Variants in RDH10 observed in about 807,000 individuals in gnomAD.
RDH10 encodes retinol dehydrogenase 10, also known as retinol dehydrogenase 10 (all-trans).
Under a neutral mutation model 30.2 loss-of-function variants are expected in RDH10, and 12 were observed. The ratio of observed to expected loss-of-function variants is 0.40; its 90% confidence interval spans 0.25 to 0.64. The LOEUF is 0.64. RDH10 is among the 30% of genes least tolerant of loss of function. RDH10 has a pLI of 0.43. For synonymous variants in RDH10, 189 were observed against 172.2 expected, an observed-to-expected ratio of 1.10 and a Z score of -0.76; for missense variants, 268 against 445.2, an observed-to-expected ratio of 0.60 and a Z score of 3.58.
intron 2 of RDH10, chr8:73,313,216 C>T (rs1194737571): frequency 1.3e-5 from 2 of 152,188 alleles, no homozygotes; most frequent in Non-Finnish European, 2.9e-5. Flanking sequence ...TCTGGAGAGT[C>T]GGAGCTGTTG....
At chr8:73,310,077 C>G (rs1304546335) in intron 2 of RDH10, among the ~76,000 whole-genome samples, 2 of 152,172 alleles carry the variant, frequency 1.3e-5, no homozygotes, top group African/African-American at 2.4e-5. Flanking sequence ...GAGAGGTGAC[C>G]TGAACACCAG....
intron 2 of RDH10, chr8:73,297,892 T>C (rs2272770): frequency 0.43 from 79,545 of 186,868 alleles, 18,395 homozygotes; most frequent in South Asian, 0.66. Context: ...CCCTGGCAGT[T>C]ACTTCGCATC....
intron 4 of RDH10, chr8:73,322,132 T>C (rs1031737608): frequency 5.1e-6 from 2 of 394,908 alleles, no homozygotes; most frequent in East Asian, 7.2e-5. Flanking sequence ...TTGCACACTA[T>C]CATTTCAACA....
intron 3 of RDH10, among the ~76,000 whole-genome samples, chr8:73,319,524 C>T (rs1458629605): frequency 2.0e-5 from 3 of 152,190 alleles, no homozygotes; most frequent in African/African-American, 7.2e-5. Flanking sequence ...GACCCTGTCT[C>T]TAAAACAAAA....
intron 2 of RDH10, among the ~76,000 whole-genome samples, chr8:73,315,770 T>G (rs1814651521): frequency 6.6e-6 from 1 of 152,188 alleles, no homozygotes; most frequent in Admixed American, 6.5e-5. Context: ...CTGATAGGAA[T>G]TTGATATTGG....
At chr8:73,304,530 C>T (rs570955677) in intron 2 of RDH10, among the ~76,000 whole-genome samples, 5 of 152,294 alleles carry the variant, frequency 3.3e-5, no homozygotes, top group East Asian at 3.9e-4. Flanking sequence ...TTGCTCACAG[C>T]GTGAAGTCCA....
At chr8:73,295,617 C>T (rs747212233) in intron 1 of RDH10, 39 bp downstream of exon 1, 49 of 1,443,900 alleles carry the variant, frequency 3.4e-5, no homozygotes, top group Non-Finnish European at 4.2e-5. Flanking sequence ...TGGGTCAAGC[C>T]TCTTTCCACC....
rs965460915 is a variant in RDH10 at position 73,299,471 on chromosome 8, T to G, written c.525+2042T>G. On this transcript the variant is annotated intron_variant, in intron 2 of 5. Transcript: ENST00000240285. ...ACATACATAAGTGGGAGGCGAAGTG[T>G]CATTTTCATATTTGAAGAATGGTAA... Among the ~76,000 whole-genome samples the G allele has an allele frequency of 1.1e-4, 16 of 152,324 alleles. No homozygotes were observed. The East Asian group carries it at 3.1e-3, about 29-fold the overall frequency.
chr8:73,320,997 T>C lies in RDH10; in HGVS notation c.690T>C (p.Ala230=), dbSNP rs1465177010. The C allele has an allele frequency of 6.2e-7, 1 of 1,614,152 alleles. No homozygotes were observed. The change falls in exon 4 of 6, where the codon GCT becomes GCC. Residue 230 remains alanine (A), a synonymous_variant. Transcript: ENST00000240285. ...FHESLSHELK[A]AEKDGIKTTL... ...AATCCCTGAGCCATGAACTAAAGGC[T>C]GCTGAAAAGGATGGAATTAAAACAA...
At chr8:73,314,935 C>T (rs1265845834) in intron 2 of RDH10, among the ~76,000 whole-genome samples, 3 of 152,178 alleles carry the variant, frequency 2.0e-5, no homozygotes, top group South Asian at 2.1e-4. Flanking sequence ...CATTGACTCA[C>T]CTGTGCTTTA....
intron 2 of RDH10, among the ~76,000 whole-genome samples, chr8:73,317,988 G>T (rs6989495): frequency 0.41 from 57,917 of 142,196 alleles, 11,667 homozygotes; most frequent in African/African-American, 0.54. Flanking sequence ...CAGTGATACC[G>T]TAGCCAGCAA....
intron 2 of RDH10, among the ~76,000 whole-genome samples, chr8:73,309,748 T>C (rs761594732): frequency 5.6e-4 from 85 of 152,278 alleles, no homozygotes; most frequent in Non-Finnish European, 1.1e-3. Flanking sequence ...TACATGTTCT[T>C]TCTAGTGAGT....
intron 2 of RDH10, among the ~76,000 whole-genome samples, chr8:73,317,493 A>G (rs1814693707): frequency 6.6e-6 from 1 of 152,202 alleles, no homozygotes; most frequent in Non-Finnish European, 1.5e-5. Flanking sequence ...GGGGTACTAC[A>G]TGATGACTGG....
intron 2 of RDH10, among the ~76,000 whole-genome samples, chr8:73,318,143 T>G (rs1220313315): frequency 6.6e-6 from 1 of 150,726 alleles, no homozygotes; most frequent in Non-Finnish European, 1.5e-5. Context: ...TTCGCTGCTT[T>G]CTTTTAAGAA....
chr8:73,310,352 C>G (rs1814543190), intron 2 of RDH10, among the ~76,000 whole-genome samples: 1 of 152,126 alleles, frequency 6.6e-6, no homozygotes, highest in Non-Finnish European at 1.5e-5. Flanking sequence ...AAGATTTTAA[C>G]TTTTTAAAGA....
chr8:73,318,576 A>C (rs1331224308), intron 2 of RDH10, among the ~76,000 whole-genome samples: 1 of 152,224 alleles, frequency 6.6e-6, no homozygotes, highest in Non-Finnish European at 1.5e-5. Flanking sequence ...CTGCTAGTAC[A>C]TTTTGGTAAT....
intron 1 of RDH10, among the ~76,000 whole-genome samples, chr8:73,296,049 G>C (rs1174508553): frequency 6.6e-6 from 1 of 152,210 alleles, no homozygotes; most frequent in Non-Finnish European, 1.5e-5. Flanking sequence ...AGTTTAGCCT[G>C]AGGAACATAA....
chr8:73,295,021 C>A lies in RDH10; in HGVS notation c.-269C>A. The A allele has an allele frequency of 2.8e-6, 1 of 363,080 alleles. No individual in the cohort carries two copies. Among genetic ancestry groups the A allele is most frequent in the South Asian group, 1.3e-4 (1 of 7,588 alleles). The allele number at this position is 363,080 out of a possible 1,614,324, so 22.5% of individuals were successfully genotyped here. A position where few individuals can be genotyped will look rare whatever the true frequency, so the allele number is the denominator to read the frequency against. ...GGCCGGGCGCTGCGGGACGGGCGGG[C>A]GGCTGCCGGCAGGAGGCGCCGAGCC... On this transcript the variant is annotated 5_prime_UTR_variant, in exon 1 of 6. Coordinates refer to ENST00000240285, the MANE Select transcript of RDH10 (RefSeq NM_172037.5).
At chr8:73,320,767 C>A (rs1563552614) in intron 3 of RDH10, among the ~76,000 whole-genome samples, 165 bp from the exon 4 acceptor site, 1 of 152,174 alleles carries the variant, frequency 6.6e-6, no homozygotes, top group Non-Finnish European at 1.5e-5. Context: ...CCACTATGCC[C>A]AGCCAGGTAT....
Sources: allele counts gnomAD v4.1 joint callset (sites outside exome capture counted in the v4.1 genomes callset), GRCh38; gene constraint gnomAD v4.1.1; transcripts MANE v1.5; gene names NCBI Gene and HGNC (gene_info 2026-07-23, HGNC 2026-07-21).